The following CTNNA2 variants were observed in gnomAD, a reference collection of about 807,000 sequenced individuals.
The protein encoded by CTNNA2 is catenin alpha 2, also known as catenin alpha-2.
Under a neutral mutation model 101.0 loss-of-function variants are expected in CTNNA2, and 42 were observed. That is an observed-to-expected ratio of 0.42 (90% confidence interval 0.32 to 0.54). The LOEUF is 0.54. Ranked by LOEUF, CTNNA2 falls within the 20% of genes least tolerant of loss-of-function variation. The pLI is 0.14. For synonymous variants in CTNNA2, 450 were observed against 456.4 expected (o/e 0.99, Z 0.18); for missense variants, 871 against 1,223.1 (o/e 0.71, Z 4.29).
At chr2:79,446,586 G>T (rs1678835788) in intron 4 of CTNNA2, among the ~76,000 whole-genome samples, 1 of 152,000 alleles carries the variant, frequency 6.6e-6, no homozygotes, top group South Asian at 2.1e-4. Flanking sequence ...AAAGCCTTCT[G>T]GTGGCCTGTT....
At chr2:80,005,862 A>G (rs1246579519) in intron 7 of CTNNA2, among the ~76,000 whole-genome samples, 1 of 151,920 alleles carries the variant, frequency 6.6e-6, no homozygotes, top group Non-Finnish European at 1.5e-5. Context: ...GAACATCTGG[A>G]GTGTAATACA....
At position 80,095,999 on chromosome 2, in the gene CTNNA2, T is replaced by C. The variant is rs568257937; in HGVS notation, c.1056+186202T>C. ...TTTGAAGGGTTTTTTGTGTCTCTAT[T>C]TCCTTCAGTTCTGCTCTGATCTTAG... is the stretch of plus-strand genomic sequence containing the variant. On this transcript the variant is annotated intron_variant, in intron 7 of 18. Transcript: ENST00000402739. Among the ~76,000 whole-genome samples, 417 of 152,108 alleles carry C rather than the reference T, an allele frequency of 2.7e-3. 2 individuals carry two copies. The highest frequency in any genetic ancestry group is 9.1e-3 in the African/African-American group (377 of 41,486).
At chr2:79,684,720 T>G in intron 2 of CTNNA2, among the ~76,000 whole-genome samples, 1 of 152,066 alleles carries the variant, frequency 6.6e-6, no homozygotes, top group East Asian at 1.9e-4. Flanking sequence ...CATAGGGGAG[T>G]TTGGACCATT....
intron 2 of CTNNA2, among the ~76,000 whole-genome samples, chr2:79,217,748 C>A (rs1288152405): frequency 6.6e-6 from 1 of 152,180 alleles, no homozygotes; most frequent in African/African-American, 2.4e-5. Context: ...AAGCCTATGA[C>A]ACCTACAGCT....
chr2:80,521,645 A>G (rs1032805903), intron 9 of CTNNA2, among the ~76,000 whole-genome samples: 1 of 152,180 alleles, frequency 6.6e-6, no homozygotes, highest in Non-Finnish European at 1.5e-5. Flanking sequence ...GGAGATAAAA[A>G]GGAGCTAGGA....
intron 3 of CTNNA2, among the ~76,000 whole-genome samples, chr2:79,745,450 T>G (rs151284421): frequency 0.032 from 4,838 of 151,114 alleles, 102 homozygotes; most frequent in South Asian, 0.086. Flanking sequence ...AAAAATAAAA[T>G]AAAAAGAAAA....
upstream of CTNNA2, among the ~76,000 whole-genome samples, chr2:79,511,841 T>C (rs867101147): frequency 1.1e-4 from 16 of 152,250 alleles, 1 homozygote; most frequent in Middle Eastern, 6.8e-3. Context: ...AAAAAATGCA[T>C]GCACTAAGTG....
intron 7 of CTNNA2, among the ~76,000 whole-genome samples, chr2:79,915,342 CTTA>C (rs1189648334): frequency 7.4e-6 from 1 of 134,392 alleles, no homozygotes; most frequent in South Asian, 2.7e-4. Context: ...TTACACTTTG[CTTA>C]TTTTTTATAA....
intron 1 of CTNNA2, among the ~76,000 whole-genome samples, chr2:79,544,328 T>G (rs966584014): frequency 6.6e-6 from 1 of 152,190 alleles, no homozygotes; most frequent in South Asian, 2.1e-4. Flanking sequence ...CATAATCTCT[T>G]GAGCTGAAAG....
chr2:79,556,073 A>G (rs1447511288), intron 1 of CTNNA2, among the ~76,000 whole-genome samples: 1 of 152,042 alleles, frequency 6.6e-6, no homozygotes, highest in South Asian at 2.1e-4. Flanking sequence ...CTGTTGCCTT[A>G]TTTTTATGAT....
Position 80,476,902 on chromosome 2 carries a change from A to G in CTNNA2, c.1290+57301A>G, listed in dbSNP as rs140357244. ...GCTTGATAGCAGTGGCCATGTTATC[A>G]GGATTCATAGGAGAGAGATGATTAT... On this transcript the variant is annotated intron_variant, in intron 9 of 18. Transcript: ENST00000402739. Among the ~76,000 whole-genome samples, 13 of 152,330 alleles carry G rather than the reference A, an allele frequency of 8.5e-5. No homozygotes were observed. In the East Asian group the frequency reaches 2.5e-3, roughly 29 times the overall value.
intron 2 of CTNNA2, among the ~76,000 whole-genome samples, chr2:79,703,816 G>A (rs17785176): frequency 0.08 from 12,130 of 152,154 alleles, 524 homozygotes; most frequent in Non-Finnish European, 0.098. Flanking sequence ...CTTTTAACAT[G>A]CAGTCCAGAA....
chr2:79,420,909 G>A (rs1329093956), intron 4 of CTNNA2, among the ~76,000 whole-genome samples: 2 of 152,168 alleles, frequency 1.3e-5, no homozygotes, highest in Non-Finnish European at 2.9e-5. Flanking sequence ...GGGGGCAGAA[G>A]TGGTGTCATT....
At chr2:79,589,437 A>T (rs1333598780) in intron 1 of CTNNA2, among the ~76,000 whole-genome samples, 1 of 152,172 alleles carries the variant, frequency 6.6e-6, no homozygotes, top group Non-Finnish European at 1.5e-5. Context: ...TACTTAATAA[A>T]ATGTTTTAAG....
chr2:79,495,123 A>G (rs1385092501), intron 4 of CTNNA2, among the ~76,000 whole-genome samples: 1 of 152,152 alleles, frequency 6.6e-6, no homozygotes, highest in Non-Finnish European at 1.5e-5. Context: ...AAAACAAAAA[A>G]CAAACAAACA....
At chr2:80,569,633 G>GGTTTTTTTTTTTTT (rs1553392641) in intron 12 of CTNNA2, among the ~76,000 whole-genome samples, 1 of 51,718 alleles carries the variant, frequency 1.9e-5, no homozygotes, top group Non-Finnish European at 3.9e-5. Flanking sequence ...GGGTATTTAG[G>GGTTTTTTTTTTTTT]TTTTTTTTTT....
chr2:79,856,109 C>T (rs1456841644), intron 3 of CTNNA2, among the ~76,000 whole-genome samples: 2 of 152,160 alleles, frequency 1.3e-5, no homozygotes, highest in Non-Finnish European at 2.9e-5. Context: ...AAGTTTCTCC[C>T]ATGCTGTTGT....
At chr2:80,530,197 G>C (rs1388262908) in intron 9 of CTNNA2, among the ~76,000 whole-genome samples, 1 of 152,130 alleles carries the variant, frequency 6.6e-6, no homozygotes, top group African/African-American at 2.4e-5. Flanking sequence ...CTGAGAGGGC[G>C]TGAAATAACC....
At chr2:79,660,213 T>C (rs1681926306) in intron 2 of CTNNA2, among the ~76,000 whole-genome samples, 1 of 149,000 alleles carries the variant, frequency 6.7e-6, no homozygotes, top group South Asian at 2.1e-4. Context: ...ATATATAGTA[T>C]ATATTTGTAT....
Sources: gnomAD v4.1 joint callset for allele counts (sites outside exome capture counted in the v4.1 genomes callset) on GRCh38, gnomAD v4.1.1 for gene constraint, MANE v1.5 for transcripts, NCBI Gene and HGNC (gene_info 2026-07-23, HGNC 2026-07-21) for gene names.